The following LDLRAD4 variants were observed in gnomAD, a reference collection of about 807,000 sequenced individuals.
LDLRAD4 encodes the protein low-density lipoprotein receptor class A domain-containing protein 4.
In LDLRAD4, 5 loss-of-function variants were observed where a neutral mutation model predicts 17.0. That is an observed-to-expected ratio of 0.29 (90% CI 0.15 to 0.62). The LOEUF (loss-of-function observed/expected upper bound fraction) is 0.62, where lower values mean the gene tolerates loss of function less well. LDLRAD4 is among the 20% of genes least tolerant of loss of function. The probability of loss-of-function intolerance (pLI) is 0.84; values close to 1 mark genes in which losing one functional copy is unlikely to be tolerated. For missense variants in LDLRAD4, 340 were observed against 424.7 expected (o/e 0.80, Z 1.75); for synonymous variants, 168 against 171.8 (o/e 0.98, Z 0.17).
chr18:13,523,038 G>A (rs1277093071), intron 3 of LDLRAD4: 1 of 152,292 alleles, frequency 6.6e-6, no homozygotes, highest in East Asian at 1.9e-4. Context: ...ATTCTAGATA[G>A]CCTGTGCCCG....
upstream of LDLRAD4, among the ~76,000 whole-genome samples, chr18:13,277,859 C>T (rs114694921): frequency 2.8e-3 from 433 of 152,296 alleles, 1 homozygote; most frequent in African/African-American, 9.8e-3. Context: ...GATGAGGACT[C>T]GGTGCCCCTG....
rs564547603 is a variant in LDLRAD4 at position 13,621,287 on chromosome 18, G to T, written c.336+16G>T. ...GCTGCCGCAGGTGAGTACCCTGGCC[G>T]CCCCGGCTCCAGAGTCAGGCAGCTG... On this transcript the variant is annotated intron_variant, in intron 4 of 5. Coordinates refer to ENST00000359446, the Ensembl canonical transcript of LDLRAD4. This position sits in a 1 kb window ranked among gnomAD's most constrained non-coding sequence, Gnocchi z 5.5. 20 of 1,600,290 alleles carry T rather than the reference G, an allele frequency of 1.2e-5. No individual in the cohort carries two copies. Among genetic ancestry groups the T allele is most frequent in the Non-Finnish European group, 2.6e-6 (3 of 1,171,544 alleles).
intron 1 of LDLRAD4, among the ~76,000 whole-genome samples, chr18:13,268,272 C>A (rs138335157): frequency 1.3e-5 from 2 of 152,210 alleles, no homozygotes; most frequent in Non-Finnish European, 2.9e-5. Flanking sequence ...CCCTCCTCCC[C>A]CCTCGGCTTG....
chr18:13,280,973 G>T (rs1464388577), intron 1 of LDLRAD4, among the ~76,000 whole-genome samples: 1 of 152,164 alleles, frequency 6.6e-6, no homozygotes, highest in Non-Finnish European at 1.5e-5. Context: ...CAATAGTACT[G>T]GGAGAAGCAA....
intron 3 of LDLRAD4, among the ~76,000 whole-genome samples, chr18:13,445,079 C>G (rs572200235): frequency 6.6e-6 from 1 of 152,296 alleles, no homozygotes; most frequent in Admixed American, 6.5e-5. Flanking sequence ...TTTTACTGTG[C>G]GTGTGACCAG....
intron 1 of LDLRAD4, among the ~76,000 whole-genome samples, chr18:13,242,580 GAAAT>G (rs1173127364): frequency 4.6e-5 from 7 of 152,124 alleles, no homozygotes; most frequent in South Asian, 2.1e-4. Flanking sequence ...TATAGAAAAA[GAAAT>G]AAGAACTAAA....
At chr18:13,430,491 T>C (rs1296527946) in intron 2 of LDLRAD4, among the ~76,000 whole-genome samples, 1 of 152,016 alleles carries the variant, frequency 6.6e-6, no homozygotes, top group East Asian at 1.9e-4. Context: ...CTCTTCACAA[T>C]GGGATGCCTT....
rs1482077236 is a variant in LDLRAD4, at chr18:13,543,371, T to C, written c.182-77746T>C. 2.0e-5 allele frequency: 3 copies of C among 152,348 alleles called. No individual in the cohort carries two copies. The East Asian group carries it at 5.8e-4, about 29-fold the overall frequency. 9.4% of individuals were successfully genotyped at this position (152,348 alleles called of 1,614,324 possible). On this transcript the variant is annotated intron_variant, in intron 3 of 5. Transcript: ENST00000359446. ...GCGAGCCTCCCGGGTACTGTCATCC[T>C]GAATTCTGAGACCATCCAGCACTTC...
At chr18:13,247,960 C>CTGT (rs2043043925) in intron 1 of LDLRAD4, among the ~76,000 whole-genome samples, 1 of 132,016 alleles carries the variant, frequency 7.6e-6, no homozygotes, top group African/African-American at 2.9e-5. Context: ...CGCCCCCCGC[C>CTGT]TTTTTTTTTT....
In LDLRAD4 at chr18:13,452,701, T is replaced by G. The variant is rs147150311; in HGVS notation, c.181+14317T>G. On this transcript the variant is annotated intron_variant, in intron 3 of 5. Coordinates refer to ENST00000359446, the Ensembl canonical transcript of LDLRAD4. The stretch of plus-strand genomic sequence containing the variant: ...ATGCTCTGCAGTGTTCAAAAGAGCT[T>G]TCTGCGTGTATGAACTTCTCTCCAC... Among the ~76,000 whole-genome samples, 40 of 152,312 alleles carry G rather than the reference T, an allele frequency of 2.6e-4. No individual in the cohort carries two copies. The East Asian group carries it at 7.7e-3, about 29-fold the overall frequency.
At chr18:13,266,835 C>T (rs2044247925) in intron 1 of LDLRAD4, among the ~76,000 whole-genome samples, 1 of 152,246 alleles carries the variant, frequency 6.6e-6, no homozygotes, top group African/African-American at 2.4e-5. Context: ...GGTGGCAAGT[C>T]ACTGACTAGG....
intron 3 of LDLRAD4, among the ~76,000 whole-genome samples, chr18:13,545,664 G>A (rs1601270299): frequency 1.3e-5 from 2 of 152,154 alleles, no homozygotes; most frequent in Non-Finnish European, 2.9e-5. Flanking sequence ...AACAAGCTGC[G>A]GGAACTGAGG....
intron 3 of LDLRAD4, chr18:13,612,255 C>T: frequency 1.0e-6 from 1 of 995,350 alleles, no homozygotes. Context: ...GTGTGTGTGA[C>T]ACGTCCAGGT....
At chr18:13,584,349 C>CCA (rs1418819574) in intron 3 of LDLRAD4, among the ~76,000 whole-genome samples, 6 of 152,212 alleles carry the variant, frequency 3.9e-5, no homozygotes, top group African/African-American at 1.4e-4. Flanking sequence ...AAGCCTTCTT[C>CCA]CACTCTCTCT....
intron 3 of LDLRAD4, chr18:13,462,355 C>T (rs2092462134): frequency 6.5e-6 from 1 of 152,700 alleles, no homozygotes; most frequent in African/African-American, 2.4e-5. Flanking sequence ...AGCAGGCTGA[C>T]CGCTAGACTG....
Position 13,569,270 on chromosome 18 carries a change from G to C in LDLRAD4, c.182-51847G>C, listed in dbSNP as rs377500780. Among the ~76,000 whole-genome samples, 9 of 140,460 alleles carry C rather than the reference G, an allele frequency of 6.4e-5. No individual in the cohort carries two copies. In the East Asian group the frequency reaches 1.2e-3, roughly 18 times the overall value. 92.1% of individuals were successfully genotyped at this position (140,460 alleles called of 152,430 possible). On this transcript the variant is annotated intron_variant, in intron 3 of 5. Transcript: ENST00000359446. ...GGGCCTCCCAGGGCCGCCCCATCCTGCAGGCTCAGGGGCTCAGACTCTGAA... is the reference window on the plus strand; with the variant it reads ...GGGCCTCCCAGGGCCGCCCCATCCTCCAGGCTCAGGGGCTCAGACTCTGAA...
At chr18:13,369,109 C>T (rs956793057) in intron 1 of LDLRAD4, among the ~76,000 whole-genome samples, 1 of 152,212 alleles carries the variant, frequency 6.6e-6, no homozygotes, top group Non-Finnish European at 1.5e-5. Context: ...ACTATGGGAA[C>T]TGGCTATGGG....
chr18:13,534,415 T>G (rs994296817), intron 3 of LDLRAD4, among the ~76,000 whole-genome samples: 5 of 152,224 alleles, frequency 3.3e-5, no homozygotes, highest in Admixed American at 6.5e-5. Flanking sequence ...TTAATTTACA[T>G]TTTTAACCTA....
chr18:13,343,718 G>C lies in LDLRAD4; in HGVS notation c.-382-43623G>C, dbSNP rs373278339. ...CCACCAACAGTGTAAAAGTGTTCCTGTTTCTCTACATCCTCTCCAGCACCT... is the reference window on the plus strand; with the variant it reads ...CCACCAACAGTGTAAAAGTGTTCCTCTTTCTCTACATCCTCTCCAGCACCT... On this transcript the variant is annotated intron_variant, in intron 1 of 5. Transcript: ENST00000359446. 2.6e-5 allele frequency among the ~76,000 whole-genome samples: 4 copies of C among 152,194 alleles called. No individual in the cohort carries two copies. The East Asian group carries it at 7.7e-4, about 29-fold the overall frequency.
Sources: gnomAD v4.1 joint callset for allele counts (sites outside exome capture counted in the v4.1 genomes callset) on GRCh38, gnomAD v4.1.1 for gene constraint, Gnocchi (gnomAD v3.1) non-coding constraint, MANE v1.5 for transcripts, NCBI Gene and HGNC (gene_info 2026-07-23, HGNC 2026-07-21) for gene names.